Variants in ZBTB40 observed in about 807,000 individuals in gnomAD.
ZBTB40 encodes zinc finger and BTB domain containing 40, also known as zinc finger and BTB domain-containing protein 40.
Under a neutral mutation model 117.5 loss-of-function variants are expected in ZBTB40, and 60 were observed. The ratio of observed to expected loss-of-function variants is 0.51; its 90% CI spans 0.41 to 0.63. The LOEUF is 0.63. Among genes scored for constraint, ZBTB40 ranks in the 30% least tolerant of loss-of-function variants. The probability of loss-of-function intolerance (pLI) is 0.00; values close to 1 mark genes in which losing one functional copy is unlikely to be tolerated. For missense variants in ZBTB40, 1,287 were observed against 1,498.5 expected (o/e 0.86, Z 2.33); for synonymous variants, 525 against 577.1 (o/e 0.91, Z 1.29).
At chr1:22,460,398 A>G (rs919969556) in intron 1 of ZBTB40, among the ~76,000 whole-genome samples, 24 of 152,164 alleles carry the variant, frequency 1.6e-4, no homozygotes, top group Non-Finnish European at 1.5e-5. Context: ...ATAATATTAA[A>G]ATATAATAAT....
chr1:22,474,020 TA>T (rs1360991402), intron 1 of ZBTB40, among the ~76,000 whole-genome samples: 4 of 152,324 alleles, frequency 2.6e-5, no homozygotes, highest in African/African-American at 9.6e-5. Flanking sequence ...GCATCATCCC[TA>T]CTTGATATCT....
intron 1 of ZBTB40, among the ~76,000 whole-genome samples, chr1:22,432,977 AG>A (rs1300925071): frequency 6.6e-6 from 1 of 152,230 alleles, no homozygotes; most frequent in Non-Finnish European, 1.5e-5. Flanking sequence ...TGTACTATGT[AG>A]CCCTTTACAG....
At chr1:22,508,487 G>A (rs747597242) in intron 7 of ZBTB40, 43 bp from the exon 8 acceptor site, 5 of 1,609,574 alleles carry the variant, frequency 3.1e-6, no homozygotes, top group Non-Finnish European at 4.3e-6. Context: ...TGGGCTAGTG[G>A]CTGGAGAGTC....
At chr1:22,524,496 G>C (rs1226029442) in intron 17 of ZBTB40, 52 bp downstream of exon 17, 1 of 1,582,412 alleles carries the variant, frequency 6.3e-7, no homozygotes, top group Non-Finnish European at 8.6e-7. Flanking sequence ...GGTTCCTAAG[G>C]CTTCTCTAGA....
At chr1:22,512,226 G>A (rs1639260176) in intron 11 of ZBTB40, 92 bp downstream of exon 11, 4 of 1,396,578 alleles carry the variant, frequency 2.9e-6, no homozygotes, top group African/African-American at 1.4e-5. Context: ...TGCAGTGAGG[G>A]CTGTGGGTGG....
intron 13 of ZBTB40, among the ~76,000 whole-genome samples, chr1:22,519,054 G>A (rs914842061): frequency 1.3e-5 from 2 of 152,168 alleles, no homozygotes; most frequent in Admixed American, 1.3e-4. Context: ...ATGGAAAGCT[G>A]CATCAAAGTG....
rs531956186 is a variant in ZBTB40, at chr1:22,494,935, A to G, written c.831+3402A>G. 2.3e-4 allele frequency among the ~76,000 whole-genome samples: 35 copies of G among 152,332 alleles called. No individual in the cohort carries two copies. In the South Asian group the frequency reaches 6.6e-3, roughly 29 times the overall value. On this transcript the variant is annotated intron_variant, in intron 3 of 17. Coordinates refer to ENST00000375647, the MANE Select transcript of ZBTB40 (RefSeq NM_014870.4). ...ATTTAAGAGCTGTTCACTTAGAACA[A>G]CGTTGTTTCACATTTCCGTACAATT...
At chr1:22,512,200 C>T (rs891627996) in intron 11 of ZBTB40, 66 bp downstream of exon 11, 2 of 1,574,894 alleles carry the variant, frequency 1.3e-6, no homozygotes, top group African/African-American at 1.3e-5. Context: ...GATTTCAGGC[C>T]TTTCCCTTAG....
In ZBTB40 at chr1:22,526,679, C is replaced by T. The variant is rs1330977489; in HGVS notation, c.*283C>T. 2 of 420,206 alleles carry T rather than the reference C, an allele frequency of 4.8e-6. No individual in the cohort carries two copies. Among genetic ancestry groups the T allele is most frequent in the Non-Finnish European group, 9.0e-6 (2 of 222,210 alleles). 26.0% of individuals were successfully genotyped at this position (420,206 alleles called of 1,614,324 possible). On this transcript the variant is annotated 3_prime_UTR_variant, in exon 18 of 18. Coordinates refer to ENST00000375647, the MANE Select transcript of ZBTB40 (RefSeq NM_014870.4). ...TATGACACTGTCCATCCCCAAGTGA[C>T]ATGTGGCTTCAGAAGTAGAGTCTGA...
At chr1:22,514,594 T>C (rs759159478) in intron 12 of ZBTB40, among the ~76,000 whole-genome samples, 1 of 152,196 alleles carries the variant, frequency 6.6e-6, no homozygotes, top group Non-Finnish European at 1.5e-5. Context: ...CCTCACCTCC[T>C]TTGAGACCTT....
In ZBTB40 at chr1:22,511,188, A is replaced by G. The variant is rs767295433; in HGVS notation, c.1843A>G (p.Ile615Val). 6.2e-7 allele frequency: 1 copy of G among 1,612,950 alleles called. No individual in the cohort carries two copies. The highest frequency in any genetic ancestry group is 8.5e-7 in the Non-Finnish European group (1 of 1,179,892). The change falls in exon 10 of 18, where the codon ATT becomes GTT. Residue 615 changes from isoleucine (I) to valine (V), a missense_variant. By Grantham distance (29) the Ile-to-Val change is conservative (BLOSUM62 3). Coordinates refer to ENST00000375647, the MANE Select transcript of ZBTB40 (RefSeq NM_014870.4). ...LAETVKEILS[I>V]PSETASPEAS... ...CCTGGTATTCATTTAGATTCTGAGC[A>G]TTCCCTCTGAGACAGCCAGCCCTGA...
intron 8 of ZBTB40, 36 bp downstream of exon 8, chr1:22,508,767 A>G (rs766904040): frequency 3.1e-6 from 5 of 1,587,952 alleles, no homozygotes; most frequent in South Asian, 1.1e-5. Context: ...TTTTGCCCCC[A>G]CTAGAGATGA....
In ZBTB40 at chr1:22,521,600, T is replaced by G. The variant is rs766911301; in HGVS notation, c.3153T>G (p.Cys1051Trp). Residue 1051 changes from cysteine (C) to tryptophan (W), a missense_variant, in exon 15 of 18, where the codon TGT becomes TGG. By Grantham distance (215) the Cys-to-Trp change is radical. Transcript: ENST00000375647. ...SKFSSLQCSSCDKTFPNTIEH... is the reference protein window; with the variant it reads ...SKFSSLQCSSWDKTFPNTIEH... ...TCTCATCACTCCAGTGCAGCTCCTG[T>G]GACAAAACCTTCCCCAACACCATTG... 10 of 1,614,176 alleles carry G rather than the reference T, an allele frequency of 6.2e-6. No individual in the cohort carries two copies. Among genetic ancestry groups the G allele is most frequent in the Admixed American group, 1.7e-5 (1 of 60,022 alleles).
intron 1 of ZBTB40, among the ~76,000 whole-genome samples, chr1:22,436,437 G>A (rs547179282): frequency 4.6e-5 from 7 of 152,276 alleles, no homozygotes; most frequent in East Asian, 3.9e-4. Context: ...GCTTGAACCC[G>A]GGAGGCGGAG....
chr1:22,476,717 G>A (rs1470585781), intron 1 of ZBTB40, among the ~76,000 whole-genome samples: 2 of 152,158 alleles, frequency 1.3e-5, no homozygotes, highest in Non-Finnish European at 2.9e-5. Flanking sequence ...TATCAGTATA[G>A]TCTTTTCTTG....
In ZBTB40 at chr1:22,461,807, G is replaced by A. The variant is rs534085054; in HGVS notation, c.-70+9803G>A. ...TGTGCCATAAGCTCCTTGAGAGCAG[G>A]GATTATGCTGAATTTCTTCTCTGTG... is the stretch of plus-strand genomic sequence containing the variant. On this transcript the variant is annotated intron_variant, in intron 1 of 17. Coordinates refer to ENST00000375647, the MANE Select transcript of ZBTB40 (RefSeq NM_014870.4). 2.0e-5 allele frequency among the ~76,000 whole-genome samples: 3 copies of A among 152,294 alleles called. No homozygotes were observed. In the South Asian group the frequency reaches 6.2e-4, roughly 32 times the overall value.
Position 22,513,517 on chromosome 1 carries a change from G to T in ZBTB40, c.2668+387G>T, listed in dbSNP as rs1361362396. ...AGATTGAGACCATCCTGGCTAACAT[G>T]GTGAAACCCCATCTGTACTAAAAAA... On this transcript the variant is annotated intron_variant, in intron 12 of 17. Coordinates refer to ENST00000375647, the MANE Select transcript of ZBTB40 (RefSeq NM_014870.4). This position sits in a 1 kb window ranked among gnomAD's most constrained non-coding sequence, Gnocchi z 4.9. Among the ~76,000 whole-genome samples, 3 of 152,000 alleles carry T rather than the reference G, an allele frequency of 2.0e-5. No individual in the cohort carries two copies. Among genetic ancestry groups the T allele is most frequent in the Non-Finnish European group, 2.9e-5 (2 of 67,978 alleles).
At chr1:22,501,451 TG>T in intron 3 of ZBTB40, 40 bp from the exon 4 acceptor site, 1 of 1,610,468 alleles carries the variant, frequency 6.2e-7, no homozygotes, top group South Asian at 1.1e-5. Flanking sequence ...ATGGTTCTTG[TG>T]GTTCGCTAAT....
chr1:22,487,786 G>A (rs1638513488), intron 1 of ZBTB40, among the ~76,000 whole-genome samples: 1 of 152,104 alleles, frequency 6.6e-6, no homozygotes, highest in Non-Finnish European at 1.5e-5. Context: ...GCTGCTTAAA[G>A]CCTTTCAAAT....
Sources: allele counts gnomAD v4.1 joint callset (sites outside exome capture counted in the v4.1 genomes callset), GRCh38; gene constraint gnomAD v4.1.1; non-coding constraint Gnocchi (gnomAD v3.1); transcripts MANE v1.5; gene names NCBI Gene and HGNC (gene_info 2026-07-23, HGNC 2026-07-21).